Variants in GPC6 observed in about 807,000 individuals in gnomAD.
GPC6 encodes the protein glypican-6.
In GPC6, 14 loss-of-function variants were observed where a neutral mutation model predicts 55.2. The ratio of observed to expected loss-of-function variants is 0.25; its 90% confidence interval spans 0.17 to 0.40. The LOEUF is 0.40. GPC6 is among the 10% of genes least tolerant of loss of function. The pLI is 1.00. For missense variants in GPC6, 641 were observed against 708.5 expected (o/e 0.90, Z 1.08); for synonymous variants, 278 against 259.6 (o/e 1.07, Z -0.68).
At chr13:93,649,528 G>A (rs756806159) in intron 2 of GPC6, among the ~76,000 whole-genome samples, 3 of 152,062 alleles carry the variant, frequency 2.0e-5, no homozygotes, top group Non-Finnish European at 4.4e-5. Context: ...ATTTGGATAG[G>A]TATACATAAA....
At chr13:93,796,254 G>A (rs571280321) in intron 2 of GPC6, among the ~76,000 whole-genome samples, 1 of 152,188 alleles carries the variant, frequency 6.6e-6, no homozygotes, top group African/African-American at 2.4e-5. Context: ...CATATTAGCA[G>A]TCTAGTAATT....
chr13:93,345,073 G>A (rs1181423401), intron 1 of GPC6, among the ~76,000 whole-genome samples: 1 of 152,152 alleles, frequency 6.6e-6, no homozygotes, highest in Non-Finnish European at 1.5e-5. Context: ...TGCATCCACT[G>A]ATACTGAATG....
At chr13:94,297,252 TC>T (rs1875390516) in intron 5 of GPC6, among the ~76,000 whole-genome samples, 2 of 152,260 alleles carry the variant, frequency 1.3e-5, no homozygotes, top group Non-Finnish European at 1.5e-5. Context: ...AATTGGCATA[TC>T]CCCAGCACTT....
In GPC6 at chr13:93,789,615, A is replaced by AC. The variant is rs1187340848; in HGVS notation, c.320-40539_320-40538insC. The stretch of plus-strand genomic sequence containing the variant: ...TAATACTACATATATATATATATAT[A>AC]TATATATATATATATATATATATAT... On this transcript the variant is annotated intron_variant, in intron 2 of 8. Coordinates refer to ENST00000377047, the MANE Select transcript of GPC6 (RefSeq NM_005708.5). Among the ~76,000 whole-genome samples, 44 of 44,102 alleles carry AC rather than the reference A, an allele frequency of 1.0e-3. 2 individuals are homozygous for AC. Among genetic ancestry groups the AC allele is most frequent in the Middle Eastern group, 0.01 (1 of 98 alleles). The allele number at this position is 44,102 out of a possible 152,430, so 28.9% of individuals were successfully genotyped here. A position where few individuals can be genotyped will look rare whatever the true frequency, so the allele number is the denominator to read the frequency against.
chr13:94,185,243 TCC>T (rs1889131623), intron 4 of GPC6, among the ~76,000 whole-genome samples: 1 of 136,854 alleles, frequency 7.3e-6, no homozygotes, highest in Non-Finnish European at 1.5e-5. Flanking sequence ...GCACATGGAC[TCC>T]AAAATAAAAG....
At chr13:94,397,335 C>T (rs1880937466) in intron 7 of GPC6, among the ~76,000 whole-genome samples, 1 of 152,004 alleles carries the variant, frequency 6.6e-6, no homozygotes, top group Admixed American at 6.6e-5. Flanking sequence ...AGCACATTTC[C>T]AAGATCTTTA....
At chr13:93,769,653 C>CTTGCT (rs143614604) in intron 2 of GPC6, among the ~76,000 whole-genome samples, 201 of 152,314 alleles carry the variant, frequency 1.3e-3, no homozygotes, top group East Asian at 0.011. Context: ...TGCTTGCACA[C>CTTGCT]TTGCTTTGCT....
intron 2 of GPC6, among the ~76,000 whole-genome samples, chr13:93,600,657 T>TA (rs1877969116): frequency 6.6e-6 from 1 of 152,132 alleles, no homozygotes; most frequent in South Asian, 2.1e-4. Context: ...TTCCTTTTTT[T>TA]ATTCATGATT....
At chr13:94,252,027 C>T (rs947862260) in intron 4 of GPC6, among the ~76,000 whole-genome samples, 3 of 152,080 alleles carry the variant, frequency 2.0e-5, no homozygotes, top group Non-Finnish European at 2.9e-5. Context: ...GCTTCTTTCC[C>T]GATGTTCTCC....
intron 2 of GPC6, among the ~76,000 whole-genome samples, chr13:93,680,708 C>G (rs1881815939): frequency 6.6e-6 from 1 of 152,166 alleles, no homozygotes; most frequent in Non-Finnish European, 1.5e-5. Flanking sequence ...TTCAAAGCAA[C>G]TGACCTAGGC....
At chr13:93,965,102 GTTTGTTTTTTTTTTTT>G (rs1164091103) in intron 3 of GPC6, among the ~76,000 whole-genome samples, 1,279 of 113,334 alleles carry the variant, frequency 0.011, 36 homozygotes, top group African/African-American at 0.042. Flanking sequence ...AACACTATGA[GTTTGTTTTTTTTTTTT>G]TTTTTTTTTT....
At chr13:94,109,447 T>C (rs569641795) in intron 4 of GPC6, among the ~76,000 whole-genome samples, 7 of 150,942 alleles carry the variant, frequency 4.6e-5, no homozygotes, top group Non-Finnish European at 9.0e-5. Context: ...GTTTAAATTC[T>C]AAACTATATT....
chr13:93,844,359 G>A (rs981926164), intron 3 of GPC6, among the ~76,000 whole-genome samples: 2 of 152,052 alleles, frequency 1.3e-5, no homozygotes, highest in Admixed American at 6.6e-5. Flanking sequence ...GGATGGTCTC[G>A]ATCTCTTGAC....
chr13:94,248,439 C>T (rs191568977), intron 4 of GPC6, among the ~76,000 whole-genome samples: 3 of 152,216 alleles, frequency 2.0e-5, no homozygotes, highest in African/African-American at 7.2e-5. Context: ...CCTTATGTCC[C>T]TATTTCACTA....
intron 1 of GPC6, among the ~76,000 whole-genome samples, chr13:93,304,978 A>G (rs1566289363): frequency 6.6e-6 from 1 of 152,162 alleles, no homozygotes; most frequent in African/African-American, 2.4e-5. Flanking sequence ...TCCAGCCTTC[A>G]TTCCTCAACT....
chr13:93,738,936 T>TAC (rs56928879), intron 2 of GPC6, among the ~76,000 whole-genome samples: 31,736 of 145,294 alleles, frequency 0.22, 3,545 homozygotes, highest in African/African-American at 0.28. Flanking sequence ...CACTTGGTTT[T>TAC]ACACACACAC....
chr13:93,552,802 G>C (rs1198899026), intron 2 of GPC6, among the ~76,000 whole-genome samples: 3 of 152,196 alleles, frequency 2.0e-5, no homozygotes, highest in Non-Finnish European at 2.9e-5. Flanking sequence ...TCTTGGTAAT[G>C]AATGTTAATG....
intron 2 of GPC6, among the ~76,000 whole-genome samples, chr13:93,555,832 A>G (rs1875431533): frequency 6.6e-6 from 1 of 152,162 alleles, no homozygotes; most frequent in Admixed American, 6.6e-5. Flanking sequence ...TTTGGTCTGG[A>G]CTGAACTCAG....
At chr13:94,223,124 T>A (rs1326363120) in intron 4 of GPC6, among the ~76,000 whole-genome samples, 1 of 152,128 alleles carries the variant, frequency 6.6e-6, no homozygotes. Flanking sequence ...ACATAAAGTG[T>A]TTTTTAATAG....
Sources: gnomAD v4.1 joint callset for allele counts (sites outside exome capture counted in the v4.1 genomes callset) on GRCh38, gnomAD v4.1.1 for gene constraint, MANE v1.5 for transcripts, NCBI Gene and HGNC (gene_info 2026-07-23, HGNC 2026-07-21) for gene names.